DST: variants seen among roughly 807,000 people sequenced by gnomAD.
The protein encoded by DST is bullous pemphigoid antigen.
In DST, 253 loss-of-function variants were observed where a neutral mutation model predicts 875.2. The ratio of observed to expected loss-of-function variants is 0.29; its 90% CI spans 0.26 to 0.32. DST has a LOEUF of 0.32. Ranked by LOEUF, DST falls within the 10% of genes least tolerant of loss-of-function variation. DST has a pLI of 1.00. For synonymous variants in DST, 3,124 were observed against 3,197.1 expected (o/e 0.98, Z 0.77); for missense variants, 8,287 against 9,111.6 (o/e 0.91, Z 3.68).
At position 56,560,254 on chromosome 6, in the gene DST, A is replaced by C. The variant is rs560563825; in HGVS notation, c.14440+40T>G. ...CATGATAAACATGAAAAATGATTGC[A>C]CTTTTCTTCATAGGCATTCATCTAA... is the stretch of plus-strand genomic sequence containing the variant. On this transcript the variant is annotated intron_variant, in intron 58 of 103. Transcript: ENST00000680361. The C allele has an allele frequency of 5.9e-6, 9 of 1,515,296 alleles. No individual in the cohort carries two copies. The African/African-American group carries it at 1.1e-4, about 19-fold the overall frequency. The allele number at this position is 1,515,296 out of a possible 1,614,324, so 93.9% of individuals were successfully genotyped here. A position where few individuals can be genotyped will look rare whatever the true frequency, so the allele number is the denominator to read the frequency against.
chr6:56,742,201 A>C (rs1354431298), intron 4 of DST: 8 of 982,880 alleles, frequency 8.1e-6, no homozygotes, highest in Admixed American at 2.3e-5. Context: ...TGCAAACCAA[A>C]GCAGGTAGTG....
intron 2 of DST, among the ~76,000 whole-genome samples, chr6:56,915,339 C>T (rs1432019935): frequency 6.6e-5 from 10 of 152,162 alleles, no homozygotes; most frequent in Non-Finnish European, 1.2e-4. Context: ...ACTGCAAATT[C>T]TGAGAAGCCA....
chr6:56,462,984 TAGTGAGTGATAGCTTCAGTTAA>T, intron 102 of DST, 40 bp downstream of exon 102: 1 of 912,700 alleles, frequency 1.1e-6, no homozygotes, highest in Non-Finnish European at 1.7e-6. Flanking sequence ...GCAACGATGT[TAGTGAGTGATAGCTTCAGTTAA>T]AGGAGAATGT....
At chr6:56,705,472 G>A (rs1351268440) in intron 5 of DST, among the ~76,000 whole-genome samples, 1 of 152,170 alleles carries the variant, frequency 6.6e-6, no homozygotes, top group Non-Finnish European at 1.5e-5. Context: ...ATGTAAACTG[G>A]AAGCAAACTT....
At chr6:56,521,601 G>GAAAA (rs10547460) in intron 69 of DST, among the ~76,000 whole-genome samples, 2 of 92,044 alleles carry the variant, frequency 2.2e-5, no homozygotes, top group African/African-American at 4.1e-5. Flanking sequence ...CTCTGCTAAG[G>GAAAA]AAAAAAAAAA....
intron 97 of DST, among the ~76,000 whole-genome samples, chr6:56,469,343 T>C (rs1376394895): frequency 7.3e-5 from 11 of 150,510 alleles, no homozygotes; most frequent in Admixed American, 7.3e-4. Flanking sequence ...ATATAAGAGA[T>C]GTTCCAAAAG....
chr6:56,569,690 G>T (rs1489006619), intron 54 of DST, among the ~76,000 whole-genome samples, 166 bp downstream of exon 54: 1 of 152,010 alleles, frequency 6.6e-6, no homozygotes, highest in African/African-American at 2.4e-5. Context: ...TTTTCCAAAA[G>T]AATTAGTTAA....
At chr6:56,936,690 T>A (rs1359427526) in intron 2 of DST, among the ~76,000 whole-genome samples, 2 of 151,864 alleles carry the variant, frequency 1.3e-5, no homozygotes, top group East Asian at 3.9e-4. Flanking sequence ...CAGGACAGGA[T>A]AACAAAAGCC....
At chr6:56,537,691 C>T (rs920076357) in intron 61 of DST, among the ~76,000 whole-genome samples, 1 of 152,178 alleles carries the variant, frequency 6.6e-6, no homozygotes, top group Non-Finnish European at 1.5e-5. Flanking sequence ...CCTGCACTGA[C>T]AGTGGATTCC....
At chr6:56,747,085 G>C (rs1215504018) in intron 4 of DST, among the ~76,000 whole-genome samples, 2 of 152,180 alleles carry the variant, frequency 1.3e-5, no homozygotes, top group African/African-American at 4.8e-5. Flanking sequence ...AGGAGAATCA[G>C]TTACTGAGAA....
At chr6:56,615,068 A>G in intron 36 of DST, 1 of 1,019,694 alleles carries the variant, frequency 9.8e-7, no homozygotes, top group Non-Finnish European at 1.2e-6. Flanking sequence ...GCAATCTAAA[A>G]CACTGCAGCT....
intron 28 of DST, among the ~76,000 whole-genome samples, chr6:56,632,627 G>C (rs1048538338): frequency 1.3e-5 from 2 of 152,196 alleles, no homozygotes; most frequent in Non-Finnish European, 2.9e-5. Context: ...TTCGTTGTTT[G>C]TCCAACCAGT....
At chr6:56,482,642 C>A (rs2095438970) in intron 89 of DST, 41 bp downstream of exon 89, 1 of 1,582,028 alleles carries the variant, frequency 6.3e-7, no homozygotes, top group South Asian at 1.1e-5. Flanking sequence ...GGTTTCAATA[C>A]TTTTCCCATT....
At chr6:56,718,566 AAAG>A (rs2099403119) in intron 5 of DST, among the ~76,000 whole-genome samples, 1 of 152,230 alleles carries the variant, frequency 6.6e-6, no homozygotes, top group African/African-American at 2.4e-5. Flanking sequence ...GAAATGTGCA[AAAG>A]AAATAAAAAC....
chr6:56,741,660 T>C (rs1329042648), intron 4 of DST, among the ~76,000 whole-genome samples: 1 of 152,204 alleles, frequency 6.6e-6, no homozygotes, highest in Non-Finnish European at 1.5e-5. Context: ...TATTCCAGAT[T>C]ACACCATCTA....
At chr6:56,725,546 G>C (rs1328444235) in intron 5 of DST, among the ~76,000 whole-genome samples, 2 of 152,078 alleles carry the variant, frequency 1.3e-5, no homozygotes, top group African/African-American at 4.8e-5. Context: ...TGGGCCCCTG[G>C]GTAGAAGAGG....
chr6:56,789,210 T>C (rs2099710885), intron 4 of DST, among the ~76,000 whole-genome samples: 1 of 152,106 alleles, frequency 6.6e-6, no homozygotes, highest in Non-Finnish European at 1.5e-5. Flanking sequence ...TCATGCACAC[T>C]TGTATCCTCA....
At chr6:56,482,612 A>T in intron 89 of DST, 71 bp downstream of exon 89, 1 of 1,493,652 alleles carries the variant, frequency 6.7e-7, no homozygotes, top group Non-Finnish European at 9.1e-7. Context: ...ACAATTTTTT[A>T]CTAGAATAGT....
chr6:56,618,864 G>A, intron 36 of DST: 1 of 1,614,120 alleles, frequency 6.2e-7, no homozygotes, highest in Non-Finnish European at 8.5e-7. Flanking sequence ...GTCTTTAAGT[G>A]TAATTCGTCT....
Sources: gnomAD v4.1 joint callset for allele counts (sites outside exome capture counted in the v4.1 genomes callset) on GRCh38, gnomAD v4.1.1 for gene constraint, MANE v1.5 for transcripts, NCBI Gene and HGNC (gene_info 2026-07-23, HGNC 2026-07-21) for gene names.